Variants in TENM3 observed in about 807,000 individuals in gnomAD.
TENM3 encodes teneurin transmembrane protein 3, also known as teneurin-3.
TENM3 carries 63 observed loss-of-function variants against 255.1 expected under a neutral mutation model. That is an observed-to-expected ratio of 0.25 (90% confidence interval 0.20 to 0.30). TENM3 has a LOEUF of 0.30. Among genes scored for constraint, TENM3 ranks in the 10% least tolerant of loss-of-function variants. TENM3 has a pLI of 1.00. For synonymous variants in TENM3, 1,306 were observed against 1,322.3 expected (o/e 0.99, Z 0.27); for missense variants, 2,929 against 3,461.1 (o/e 0.85, Z 3.86).
chr4:181,535,484 G>T, the TENM3 span, among the ~76,000 whole-genome samples: 1 of 152,118 alleles, frequency 6.6e-6, no homozygotes, highest in African/African-American at 2.4e-5. Context: ...GGCCCCTACA[G>T]TCTCTCCTTA....
the TENM3 span, among the ~76,000 whole-genome samples, chr4:181,634,221 G>A: frequency 6.6e-6 from 1 of 151,916 alleles, no homozygotes; most frequent in Non-Finnish European, 1.5e-5. Context: ...TGGCCTTATG[G>A]GGCTGTAAAC....
the TENM3 span, among the ~76,000 whole-genome samples, chr4:181,760,317 C>A: frequency 6.6e-6 from 1 of 152,066 alleles, no homozygotes; most frequent in Admixed American, 6.6e-5. Context: ...CATAATTATT[C>A]CCCTTAAACA....
At chr4:182,365,049 T>C (rs1357855402) in intron 3 of TENM3, among the ~76,000 whole-genome samples, 1 of 152,216 alleles carries the variant, frequency 6.6e-6, no homozygotes, top group African/African-American at 2.4e-5. Context: ...AAGTGCCTTT[T>C]CCCCCAGGGC....
intron 2 of TENM3, among the ~76,000 whole-genome samples, chr4:182,331,884 A>C (rs1462233196): frequency 6.6e-6 from 1 of 152,204 alleles, no homozygotes; most frequent in Non-Finnish European, 1.5e-5. Context: ...AAAAAGAAAG[A>C]TTGTTAAAAC....
At chr4:182,465,058 G>A (rs572366944) in intron 3 of TENM3, among the ~76,000 whole-genome samples, 1 of 152,192 alleles carries the variant, frequency 6.6e-6, no homozygotes, top group Non-Finnish European at 1.5e-5. Flanking sequence ...TGCAGAGTGG[G>A]GCAAGGGAAG....
chr4:182,118,595 C>A, the TENM3 span, among the ~76,000 whole-genome samples: 1 of 63,368 alleles, frequency 1.6e-5, no homozygotes, highest in Non-Finnish European at 3.7e-5. Context: ...CCCCCTCCAC[C>A]TTTTTTTGTA....
At chr4:181,534,246 A>T in the TENM3 span, among the ~76,000 whole-genome samples, 1 of 152,168 alleles carries the variant, frequency 6.6e-6, no homozygotes, top group Non-Finnish European at 1.5e-5. Context: ...AAAAAAAAAA[A>T]AAAAACAATT....
At chr4:181,642,538 C>G in the TENM3 span, among the ~76,000 whole-genome samples, 3 of 151,692 alleles carry the variant, frequency 2.0e-5, no homozygotes, top group African/African-American at 7.3e-5. Context: ...GACATGAAGT[C>G]TTTGACCATG....
the TENM3 span, among the ~76,000 whole-genome samples, chr4:182,059,175 C>G: frequency 3.3e-5 from 5 of 152,024 alleles, no homozygotes; most frequent in African/African-American, 1.2e-4. Flanking sequence ...GAAGCAAATA[C>G]CTGCAACCTT....
chr4:182,503,835 A>G (rs1393702069), intron 3 of TENM3, among the ~76,000 whole-genome samples: 4 of 152,138 alleles, frequency 2.6e-5, no homozygotes, highest in Non-Finnish European at 5.9e-5. Flanking sequence ...CCAGATATCC[A>G]CGAGACTTAC....
chr4:181,794,318 C>T, the TENM3 span, among the ~76,000 whole-genome samples: 1 of 150,500 alleles, frequency 6.6e-6, no homozygotes, highest in African/African-American at 2.4e-5. Flanking sequence ...GATCTGCTCT[C>T]TTGGCAAATT....
chr4:182,736,360 C>A (rs1388670769), intron 16 of TENM3, among the ~76,000 whole-genome samples: 4 of 152,216 alleles, frequency 2.6e-5, no homozygotes, highest in Non-Finnish European at 4.4e-5. Flanking sequence ...AACCATCTTA[C>A]AAATGTCTGC....
chr4:181,571,104 T>C, the TENM3 span, among the ~76,000 whole-genome samples: 2 of 152,042 alleles, frequency 1.3e-5, no homozygotes, highest in Non-Finnish European at 2.9e-5. Context: ...AGACAGTGGA[T>C]TGAGAAAGGA....
At chr4:181,808,321 C>T in the TENM3 span, among the ~76,000 whole-genome samples, 19 of 152,142 alleles carry the variant, frequency 1.2e-4, no homozygotes, top group Non-Finnish European at 2.6e-4. Context: ...GTAGACACTG[C>T]TGTCACTAAA....
At chr4:181,709,280 TG>T in the TENM3 span, among the ~76,000 whole-genome samples, 1 of 152,210 alleles carries the variant, frequency 6.6e-6, no homozygotes, top group Non-Finnish European at 1.5e-5. Flanking sequence ...GGTATTGTTT[TG>T]CCTGCTACAC....
the TENM3 span, among the ~76,000 whole-genome samples, chr4:181,966,333 T>G: frequency 6.6e-6 from 1 of 152,202 alleles, no homozygotes; most frequent in Non-Finnish European, 1.5e-5. Flanking sequence ...GTCTGTCCTC[T>G]AGACATTTGG....
chr4:181,814,417 T>G, the TENM3 span, among the ~76,000 whole-genome samples: 1 of 152,172 alleles, frequency 6.6e-6, no homozygotes, highest in Non-Finnish European at 1.5e-5. Context: ...ACACAAACTT[T>G]GTGAGCATTT....
chr4:182,185,804 T>A (rs1026024645), intron 1 of TENM3, among the ~76,000 whole-genome samples: 1 of 152,226 alleles, frequency 6.6e-6, no homozygotes, highest in Non-Finnish European at 1.5e-5. Context: ...CTTGACCTCT[T>A]GTAATAGTGC....
the TENM3 span, among the ~76,000 whole-genome samples, chr4:181,906,917 C>T: frequency 3.3e-5 from 5 of 152,052 alleles, no homozygotes; most frequent in South Asian, 2.1e-4. Context: ...CTCACTATGT[C>T]GCCCAGGCTG....
Sources: gnomAD v4.1 joint callset for allele counts (sites outside exome capture counted in the v4.1 genomes callset) on GRCh38, gnomAD v4.1.1 for gene constraint, MANE v1.5 for transcripts, NCBI Gene and HGNC (gene_info 2026-07-23, HGNC 2026-07-21) for gene names.